RUBCN: variants seen among roughly 807,000 people sequenced by gnomAD.
The protein encoded by RUBCN is rubicon autophagy regulator, also known as run domain Beclin-1-interacting and cysteine-rich domain-containing protein.
Under a neutral mutation model 113.2 loss-of-function variants are expected in RUBCN, and 74 were observed. That is an observed-to-expected ratio of 0.65 (90% CI 0.54 to 0.79). The LOEUF is 0.79. Among genes scored for constraint, RUBCN ranks in the 30% least tolerant of loss-of-function variants. The pLI is 0.00. For synonymous variants in RUBCN, 480 were observed against 490.0 expected (o/e 0.98, Z 0.27); for missense variants, 1,109 against 1,251.7 (o/e 0.89, Z 1.72).
chr3:197,669,142 C>T lies in RUBCN; in HGVS notation c.*5876G>A, dbSNP rs796993277. 6.6e-5 allele frequency among the ~76,000 whole-genome samples: 10 copies of T among 152,300 alleles called. No individual in the cohort carries two copies. Among genetic ancestry groups the T allele is most frequent in the African/African-American group, 2.2e-4 (9 of 41,552 alleles). On this transcript the variant is annotated 3_prime_UTR_variant, in exon 20 of 20. Transcript: ENST00000296343. The stretch of plus-strand genomic sequence containing the variant: ...ACAAATTCGTCACATAGCCCTCACC[C>T]GATTTCAGCTCTCCCTAATGTTACC...
intron 1 of RUBCN, among the ~76,000 whole-genome samples, chr3:197,743,446 G>A (rs536078596): frequency 7.2e-5 from 11 of 152,236 alleles, no homozygotes; most frequent in Non-Finnish European, 1.6e-4. Flanking sequence ...TTGAATGAAC[G>A]AATAAATGAA....
In RUBCN at chr3:197,674,121, G is replaced by A. The variant is rs1720067586; in HGVS notation, c.*897C>T. 6.6e-6 allele frequency: 1 copy of A among 152,406 alleles called. No homozygotes were observed. The highest frequency in any genetic ancestry group is 1.5e-5 in the Non-Finnish European group (1 of 68,166). The allele number at this position is 152,406 out of a possible 1,614,324, so 9.4% of individuals were successfully genotyped here. A position where few individuals can be genotyped will look rare whatever the true frequency, so the allele number is the denominator to read the frequency against. ...CTGTCCTCACCTTAGGATGGCATCA[G>A]GGACCTGCCTGAGCTTCAAAGATCA... On this transcript the variant is annotated 3_prime_UTR_variant, in exon 20 of 20. Transcript: ENST00000296343.
At chr3:197,706,115 AG>A (rs1165544466) in intron 2 of RUBCN, among the ~76,000 whole-genome samples, 1 of 152,238 alleles carries the variant, frequency 6.6e-6, no homozygotes, top group African/African-American at 2.4e-5. Context: ...GTTAAAAGCC[AG>A]AGCTGGATGT....
At chr3:197,728,650 CAGGCACTGGGCT>C (rs1357957173) in intron 1 of RUBCN, among the ~76,000 whole-genome samples, 2 of 152,218 alleles carry the variant, frequency 1.3e-5, no homozygotes, top group Admixed American at 6.5e-5. Context: ...AACTATATGT[CAGGCACTGGGCT>C]AGGCACTGGT....
intron 11 of RUBCN, among the ~76,000 whole-genome samples, chr3:197,685,737 T>C (rs73891702): frequency 0.17 from 25,202 of 152,190 alleles, 3,232 homozygotes; most frequent in African/African-American, 0.35. Flanking sequence ...TTCAAGTATA[T>C]CATGTTTTCT....
At chr3:197,721,212 GT>G (rs1237444278) in intron 1 of RUBCN, among the ~76,000 whole-genome samples, 1 of 152,176 alleles carries the variant, frequency 6.6e-6, no homozygotes, top group Non-Finnish European at 1.5e-5. Flanking sequence ...TGAAGTTGTG[GT>G]AGAATTCGGC....
chr3:197,714,003 G>A (rs537159647), intron 2 of RUBCN, among the ~76,000 whole-genome samples: 44 of 152,170 alleles, frequency 2.9e-4, no homozygotes, highest in East Asian at 1.4e-3. Context: ...GTAAACCCGG[G>A]AGGCAGAGCT....
In RUBCN at chr3:197,675,587, G is replaced by A. The variant is rs941527508; in HGVS notation, c.2647-72C>T. ...GAACTGGCACGGGAGGGTGAACACC[G>A]AGGAGGGGAGTGGTCTACAGGGTTC... On this transcript the variant is annotated intron_variant, in intron 18 of 19. Transcript: ENST00000296343. This position sits in a 1 kb window ranked among gnomAD's most constrained non-coding sequence, Gnocchi z 4.4. 7 of 1,136,334 alleles carry A rather than the reference G, an allele frequency of 6.2e-6. No homozygotes were observed. The highest frequency in any genetic ancestry group is 4.9e-5 in the South Asian group (4 of 81,156). The allele number at this position is 1,136,334 out of a possible 1,614,324, so 70.4% of individuals were successfully genotyped here. A position where few individuals can be genotyped will look rare whatever the true frequency, so the allele number is the denominator to read the frequency against.
intron 1 of RUBCN, among the ~76,000 whole-genome samples, chr3:197,730,885 CTTTTTTTTTTTTTTTTT>C (rs71166707): frequency 2.0e-5 from 1 of 49,996 alleles, no homozygotes; most frequent in Non-Finnish European, 3.6e-5. Context: ...TTAAAAGCAT[CTTTTTTTTTTTTTTTTT>C]TTTTTTTTTT....
intron 1 of RUBCN, among the ~76,000 whole-genome samples, chr3:197,719,263 G>A (rs774488022): frequency 2.0e-5 from 3 of 152,054 alleles, no homozygotes; most frequent in Non-Finnish European, 4.4e-5. Context: ...GATCACCTGA[G>A]GTCAGGAGCT....
At chr3:197,709,484 A>T (rs1011253839) in intron 2 of RUBCN, among the ~76,000 whole-genome samples, 16 of 152,034 alleles carry the variant, frequency 1.1e-4, no homozygotes, top group African/African-American at 3.9e-4. Flanking sequence ...AGATTCAAGC[A>T]ATTCTCCTGC....
At position 197,674,557 on chromosome 3, in the gene RUBCN, A is replaced by C. The variant is rs781552135; in HGVS notation, c.*461T>G. 3.9e-6 allele frequency: 2 copies of C among 516,534 alleles called. No homozygotes were observed. The highest frequency in any genetic ancestry group is 2.9e-5 in the South Asian group (2 of 69,344). 32.0% of individuals were successfully genotyped at this position (516,534 alleles called of 1,614,324 possible). ...GCACAGTCTGACCCCAGTCCAGGAC[A>C]GGGAGAGGGAAAACGCCATCCCCGT... On this transcript the variant is annotated 3_prime_UTR_variant, in exon 20 of 20. Transcript: ENST00000296343.
At chr3:197,701,190 G>C (rs75555781) in intron 6 of RUBCN, 44 bp from the exon 7 acceptor site, 20,052 of 1,459,380 alleles carry the variant, frequency 0.014, 514 homozygotes, top group African/African-American at 0.083. Context: ...GGGTGAGGTG[G>C]AATCCTGCAG....
upstream of RUBCN, chr3:197,737,403 G>A (rs1027112914): frequency 1.3e-5 from 2 of 151,280 alleles, no homozygotes; most frequent in African/African-American, 4.9e-5. Context: ...GGAGAGAAAG[G>A]CTTCTGGGGG....
intron 18 of RUBCN, 88 bp downstream of exon 18, chr3:197,676,797 G>C: frequency 1.2e-6 from 2 of 1,604,982 alleles, no homozygotes; most frequent in African/African-American, 2.7e-5. Flanking sequence ...ACTTCCTCAA[G>C]CTAAGTGGCA....
At chr3:197,739,183 C>T (rs1449083529), upstream of RUBCN, among the ~76,000 whole-genome samples, 1 of 151,784 alleles carries the variant, frequency 6.6e-6, no homozygotes, top group African/African-American at 2.4e-5. Context: ...TCAGGTGATC[C>T]GCCGGCTTCG....
chr3:197,721,297 G>T (rs1388803602), intron 1 of RUBCN, among the ~76,000 whole-genome samples: 1 of 152,096 alleles, frequency 6.6e-6, no homozygotes, highest in Non-Finnish European at 1.5e-5. Flanking sequence ...ACTCATTATT[G>T]GTGTGTCCAG....
intron 16 of RUBCN, 89 bp from the exon 17 acceptor site, chr3:197,677,630 G>T (rs1720596460): frequency 8.4e-7 from 1 of 1,193,394 alleles, no homozygotes; most frequent in Non-Finnish European, 1.2e-6. Context: ...AAACCCTGGG[G>T]TTCTAGAAGC....
At chr3:197,719,530 G>A (rs1725917642) in intron 1 of RUBCN, among the ~76,000 whole-genome samples, 1 of 142,846 alleles carries the variant, frequency 7.0e-6, no homozygotes, top group Non-Finnish European at 1.5e-5. Context: ...CAAACATTAA[G>A]TACTCTATCA....
Sources: allele counts gnomAD v4.1 joint callset (sites outside exome capture counted in the v4.1 genomes callset), GRCh38; gene constraint gnomAD v4.1.1; non-coding constraint Gnocchi (gnomAD v3.1); transcripts MANE v1.5; gene names NCBI Gene and HGNC (gene_info 2026-07-23, HGNC 2026-07-21).